Variants in SEMA6D observed in about 807,000 individuals in gnomAD.
SEMA6D encodes semaphorin-6D.
Under a neutral mutation model 106.6 loss-of-function variants are expected in SEMA6D, and 35 were observed. The observed-to-expected ratio is 0.33, with a 90% CI of 0.25 to 0.44. The LOEUF (loss-of-function observed/expected upper bound fraction) is 0.44. SEMA6D is among the 20% of genes least tolerant of loss of function. The probability of loss-of-function intolerance (pLI) is 1.00; values close to 1 mark genes in which losing one functional copy is unlikely to be tolerated. For synonymous variants in SEMA6D, 499 were observed against 487.7 expected (o/e 1.02, Z -0.31); for missense variants, 1,185 against 1,345.9 (o/e 0.88, Z 1.87).
chr15:47,568,510 A>G (rs1030815866), intron 3 of SEMA6D, among the ~76,000 whole-genome samples: 17 of 152,200 alleles, frequency 1.1e-4, no homozygotes, highest in African/African-American at 4.1e-4. Context: ...CATTACATTA[A>G]TTTTATAGGT....
intron 4 of SEMA6D, among the ~76,000 whole-genome samples, chr15:47,669,971 T>C (rs975426158): frequency 2.0e-5 from 3 of 152,238 alleles, no homozygotes; most frequent in African/African-American, 7.2e-5. Flanking sequence ...CCTGTCCTTG[T>C]TCAGTTCCCC....
intron 1 of SEMA6D, among the ~76,000 whole-genome samples, chr15:47,223,673 A>G (rs1026888654): frequency 6.6e-6 from 1 of 151,918 alleles, no homozygotes; most frequent in Non-Finnish European, 1.5e-5. Flanking sequence ...TCGATCATGT[A>G]CCCCTGTCTT....
intron 3 of SEMA6D, among the ~76,000 whole-genome samples, chr15:47,525,680 C>T (rs1015630024): frequency 6.6e-6 from 1 of 151,964 alleles, no homozygotes; most frequent in Non-Finnish European, 1.5e-5. Context: ...TAAAAAAGGC[C>T]CCTGAATTGG....
chr15:47,529,895 A>C (rs1484263285), intron 3 of SEMA6D, among the ~76,000 whole-genome samples: 1 of 152,210 alleles, frequency 6.6e-6, no homozygotes, highest in Non-Finnish European at 1.5e-5. Context: ...TGTTCCAGGA[A>C]GATATTTAAA....
chr15:47,485,289 CTAATATAG>C (rs2043266663), intron 3 of SEMA6D, among the ~76,000 whole-genome samples: 1 of 151,986 alleles, frequency 6.6e-6, no homozygotes, highest in Admixed American at 6.6e-5. Flanking sequence ...ATGAAACCAA[CTAATATAG>C]TTTTGGTCAC....
At chr15:47,495,742 C>G (rs920308893) in intron 3 of SEMA6D, among the ~76,000 whole-genome samples, 1 of 151,928 alleles carries the variant, frequency 6.6e-6, no homozygotes, top group Non-Finnish European at 1.5e-5. Context: ...ATTTTTAATT[C>G]TGAGTAACTG....
intron 4 of SEMA6D, among the ~76,000 whole-genome samples, chr15:47,682,981 C>T (rs967063644): frequency 3.9e-5 from 6 of 152,130 alleles, no homozygotes; most frequent in African/African-American, 1.4e-4. Context: ...ACAGTGAGCA[C>T]GTTCAGGTTT....
chr15:47,506,599 A>ACACACACACACACACAC (rs1555382656), intron 3 of SEMA6D, among the ~76,000 whole-genome samples: 25 of 137,894 alleles, frequency 1.8e-4, no homozygotes, highest in African/African-American at 6.1e-4. Context: ...CACACACACA[A>ACACACACACACACACAC]ACACACACAC....
At chr15:47,552,902 A>ATTTTTT (rs1250680238) in intron 3 of SEMA6D, among the ~76,000 whole-genome samples, 1 of 80,940 alleles carries the variant, frequency 1.2e-5, no homozygotes, top group Non-Finnish European at 2.4e-5. Context: ...ATATATATAT[A>ATTTTTT]TATAAATATA....
At chr15:47,758,695 CA>C (rs746614650) in intron 1 of SEMA6D, among the ~76,000 whole-genome samples, 29 of 152,228 alleles carry the variant, frequency 1.9e-4, no homozygotes, top group Admixed American at 6.5e-4. Context: ...AGCATCACTT[CA>C]ATAAAAATGA....
chr15:47,464,078 A>G (rs1424174005), intron 2 of SEMA6D, among the ~76,000 whole-genome samples: 1 of 152,018 alleles, frequency 6.6e-6, no homozygotes, highest in Non-Finnish European at 1.5e-5. Context: ...TCATTCACAT[A>G]TTTTGCTATA....
At chr15:47,354,899 G>C (rs1314765284) in intron 1 of SEMA6D, among the ~76,000 whole-genome samples, 1 of 152,060 alleles carries the variant, frequency 6.6e-6, no homozygotes, top group Non-Finnish European at 1.5e-5. Flanking sequence ...TCAGCCCTAC[G>C]GGACAAAATC....
chr15:47,510,712 G>C (rs59942540), intron 3 of SEMA6D, among the ~76,000 whole-genome samples: 10,360 of 152,258 alleles, frequency 0.068, 718 homozygotes, highest in East Asian at 0.32. Context: ...AGCAGAGACT[G>C]TGGGTGAGCT....
At position 47,483,081 on chromosome 15, in the gene SEMA6D, T is replaced by C. The variant is rs117141099; in HGVS notation, c.-87+12536T>C. 2.9e-4 allele frequency among the ~76,000 whole-genome samples: 44 copies of C among 152,244 alleles called. No individual in the cohort carries two copies. The East Asian group carries it at 6.6e-3, about 23-fold the overall frequency. ...GTTTATTAGAAGTTGATAAGTACAG[T>C]AAAAGTTAGAAAATGTATAATAGAA... On this transcript the variant is annotated intron_variant, in intron 3 of 19. Coordinates refer to the SEMA6D transcript ENST00000558014.
At chr15:47,451,405 G>A (rs1479048394) in intron 2 of SEMA6D, among the ~76,000 whole-genome samples, 1 of 151,962 alleles carries the variant, frequency 6.6e-6, no homozygotes, top group Non-Finnish European at 1.5e-5. Context: ...ATGGTGGTTG[G>A]AGCTACCAGT....
rs375491105 is a variant in SEMA6D at position 47,421,267 on chromosome 15, A to G, written c.-159+8795A>G. On this transcript the variant is annotated intron_variant, in intron 2 of 19. Coordinates refer to the SEMA6D transcript ENST00000558014. ...CACCTGCAGTTTCTGAGGCAGTGCC[A>G]TATAGAGTAAGAGCATTGGATATGA... Among the ~76,000 whole-genome samples the G allele has an allele frequency of 1.8e-4, 28 of 152,230 alleles. No homozygotes were observed. In the East Asian group the frequency reaches 4.8e-3, roughly 26 times the overall value.
At chr15:47,702,406 T>C (rs143259897) in intron 4 of SEMA6D, among the ~76,000 whole-genome samples, 5 of 152,366 alleles carry the variant, frequency 3.3e-5, no homozygotes, top group Non-Finnish European at 7.3e-5. Flanking sequence ...GGAACTTTCA[T>C]GCATTGCTGA....
In SEMA6D at chr15:47,361,109, T is replaced by C. The variant is rs539894935; in HGVS notation, c.-238-51284T>C. On this transcript the variant is annotated intron_variant, in intron 1 of 19. Coordinates refer to the SEMA6D transcript ENST00000558014. ...TCCTGTTTTCTTCCTCACCTTCTCC[T>C]TTGGGTGTTCTCTTCCTTCTTCCTT... Among the ~76,000 whole-genome samples, 17 of 152,338 alleles carry C rather than the reference T, an allele frequency of 1.1e-4. No homozygotes were observed. The East Asian group carries it at 3.1e-3, about 28-fold the overall frequency.
At chr15:47,634,096 T>C (rs979516042) in intron 4 of SEMA6D, among the ~76,000 whole-genome samples, 1 of 152,204 alleles carries the variant, frequency 6.6e-6, no homozygotes, top group African/African-American at 2.4e-5. Context: ...TGTCAAATAA[T>C]GCCGACATAT....
Sources: gnomAD v4.1 joint callset for allele counts (sites outside exome capture counted in the v4.1 genomes callset) on GRCh38, gnomAD v4.1.1 for gene constraint, MANE v1.5 for transcripts, NCBI Gene and HGNC (gene_info 2026-07-23, HGNC 2026-07-21) for gene names.